Variants in RYR1 observed in about 807,000 individuals in gnomAD.
RYR1 encodes the protein central core disease of muscle.
In RYR1, 342 loss-of-function variants were observed where a neutral mutation model predicts 583.5. The observed-to-expected ratio is 0.59, with a 90% CI of 0.54 to 0.64. RYR1 has a LOEUF of 0.64. Among genes scored for constraint, RYR1 ranks in the 30% least tolerant of loss-of-function variants. The pLI is 0.00. For synonymous variants in RYR1, 2,791 were observed against 2,822.5 expected (o/e 0.99, Z 0.35); for missense variants, 6,032 against 6,917.2 (o/e 0.87, Z 4.54).
chr19:38,434,980 G>A (rs1252219290), intron 1 of RYR1, among the ~76,000 whole-genome samples: 1 of 152,178 alleles, frequency 6.6e-6, no homozygotes, highest in Non-Finnish European at 1.5e-5. Flanking sequence ...AGCTGGGAAG[G>A]GGCCTAGCTT....
chr19:38,552,687 C>G (rs886857751), intron 89 of RYR1, among the ~76,000 whole-genome samples: 10 of 152,220 alleles, frequency 6.6e-5, no homozygotes, highest in African/African-American at 2.4e-4. Context: ...TCAGAGTACA[C>G]TGCCTTCAGA....
intron 105 of RYR1, 49 bp from the exon 106 acceptor site, chr19:38,587,276 C>T (rs899447339): frequency 1.4e-5 from 17 of 1,241,512 alleles, no homozygotes; most frequent in Admixed American, 3.4e-5. Context: ...ATATATGTCT[C>T]AAGGGTTTGA....
intron 100 of RYR1, 120 bp downstream of exon 100, chr19:38,580,248 G>T: frequency 6.3e-7 from 1 of 1,585,100 alleles, no homozygotes. Context: ...GCGCTGAGCC[G>T]GGGGTGTGTG....
intron 29 of RYR1, among the ~76,000 whole-genome samples, chr19:38,475,656 G>A (rs1968683997): frequency 6.6e-6 from 1 of 152,182 alleles, no homozygotes; most frequent in Non-Finnish European, 1.5e-5. Context: ...ACAAACGGCA[G>A]GGAGTACAGT....
chr19:38,473,617 C>T lies in RYR1; in HGVS notation c.4006C>T (p.Arg1336Cys). ...CGACCCTGACTACGAAAACCTGCGC[C>T]GCTCAGCTGGGGGCTGGAGCGAGGC... Reference protein sequence around the residue: ...EPDPDYENLRRSAGGWSEAEN... With the variant: ...EPDPDYENLRCSAGGWSEAEN... The change falls in exon 28 of 106, where the codon CGC (arginine) becomes TGC (cysteine). Residue 1336 changes from arginine to cysteine, a missense_variant. Transcript: ENST00000359596. 1.3e-6 allele frequency: 2 copies of T among 1,568,308 alleles called. No homozygotes were observed. The highest frequency in any genetic ancestry group is 1.2e-5 in the South Asian group (1 of 86,100).
At chr19:38,457,396 A>C in intron 16 of RYR1, 101 bp from the exon 17 acceptor site, 1 of 1,546,546 alleles carries the variant, frequency 6.5e-7, no homozygotes, top group African/African-American at 1.4e-5. Context: ...TCTTATCCCG[A>C]TGCGCTGTCC....
At chr19:38,542,026 G>A (rs1460629244) in intron 84 of RYR1, among the ~76,000 whole-genome samples, 1 of 146,362 alleles carries the variant, frequency 6.8e-6, no homozygotes, top group Non-Finnish European at 1.5e-5. Flanking sequence ...CTATGATCAT[G>A]CCACAGTACT....
intron 11 of RYR1, among the ~76,000 whole-genome samples, chr19:38,451,244 A>G (rs1159668589): frequency 1.3e-5 from 2 of 152,248 alleles, no homozygotes; most frequent in South Asian, 2.1e-4. Flanking sequence ...ACACGTGAGC[A>G]TCATCAGCAG....
chr19:38,557,520 T>C (rs143825366), intron 89 of RYR1, among the ~76,000 whole-genome samples: 1 of 152,126 alleles, frequency 6.6e-6, no homozygotes, highest in Non-Finnish European at 1.5e-5. Context: ...AGATACCATA[T>C]GACTCAGCGA....
Position 38,585,023 on chromosome 19 carries a change from A to G in RYR1, c.14727A>G (p.Glu4909=). Residue 4909 remains glutamate (E), a synonymous_variant, in exon 102 of 106, where the codon GAA becomes GAG. Coordinates refer to ENST00000359596, the MANE Select transcript of RYR1 (RefSeq NM_000540.3). ...AGATCGAGGACCCCGCGGGTGACGA[A>G]TACGAGCTCTACAGGGTGGTCTTCG... ...GDEIEDPAGD[E]YELYRVVFDI... 6.2e-7 allele frequency: 1 copy of G among 1,613,980 alleles called. No homozygotes were observed. The highest frequency in any genetic ancestry group is 2.2e-5 in the East Asian group (1 of 44,870).
intron 29 of RYR1, among the ~76,000 whole-genome samples, chr19:38,477,245 C>A (rs534478382): frequency 3.4e-4 from 51 of 151,964 alleles, no homozygotes; most frequent in Non-Finnish European, 5.6e-4. Context: ...CAGGTTCAAG[C>A]GATTCTCCTG....
rs193922828 is a variant in RYR1, at chr19:38,504,878, G to A, written c.8198G>A (p.Gly2733Asp). The part of the protein sequence containing the change: ...AEKKATVDAE[G>D]NFDPRPVETL... ...AAAAAGGCCACAGTGGATGCTGAAG[G>A]CAACTTTGATCCCCGGCCTGTGGAG... Residue 2733 changes from glycine to aspartate, a missense_variant, in exon 51 of 106, where the codon GGC becomes GAC. Physicochemically the swap from Gly to Asp is moderately conservative, Grantham distance 94. Transcript: ENST00000359596. 1.2e-6 allele frequency: 2 copies of A among 1,614,110 alleles called. No homozygotes were observed. Among genetic ancestry groups the A allele is most frequent in the Non-Finnish European group, 1.7e-6 (2 of 1,180,008 alleles).
chr19:38,584,597 G>A lies in RYR1; in HGVS notation c.14647-346G>A, dbSNP rs116321707. ...CCTGTGCCCCCCTTATCCTGGCCCT[G>A]ATTCCCCTGCCAGTGCCCCCCATCC... On this transcript the variant is annotated intron_variant, in intron 101 of 105. Transcript: ENST00000359596. 2.7e-3 allele frequency among the ~76,000 whole-genome samples: 105 copies of A among 39,382 alleles called. 3 individuals are homozygous for A. The highest frequency in any genetic ancestry group is 0.012 in the African/African-American group (97 of 8,392). 25.8% of individuals were successfully genotyped at this position (39,382 alleles called of 152,430 possible).
chr19:38,570,352 G>C (rs1001767321), intron 93 of RYR1, among the ~76,000 whole-genome samples: 1 of 151,910 alleles, frequency 6.6e-6, no homozygotes, highest in Non-Finnish European at 1.5e-5. Context: ...CTCGGGAGGC[G>C]GCAGCAGAGG....
At position 38,502,690 on chromosome 19, in the gene RYR1, C is replaced by G; in HGVS notation, c.7798C>G (p.Arg2600Gly). Residue 2600 changes from arginine to glycine, a missense_variant, in exon 48 of 106, where the codon CGT becomes GGT. Transcript: ENST00000359596. The stretch of plus-strand genomic sequence containing the variant: ...GGGTCGTTCGCTCACCAAGGCGCAG[C>G]GTGACGTCATCGAGGACTGCCTCAT... ...SRGRSLTKAQ[R>G]DVIEDCLMSL... The G allele has an allele frequency of 1.2e-6, 2 of 1,604,134 alleles. No homozygotes were observed. Among genetic ancestry groups the G allele is most frequent in the Non-Finnish European group, 1.7e-6 (2 of 1,177,208 alleles).
intron 38 of RYR1, among the ~76,000 whole-genome samples, chr19:38,493,515 CGTTTT>C (rs1969653798): frequency 7.0e-6 from 1 of 143,060 alleles, no homozygotes; most frequent in Non-Finnish European, 1.5e-5. Context: ...TTTTCTTTTT[CGTTTT>C]TTTTTTTTTT....
intron 76 of RYR1, among the ~76,000 whole-genome samples, chr19:38,530,863 C>A (rs1250121947): frequency 6.6e-6 from 1 of 151,826 alleles, no homozygotes; most frequent in Non-Finnish European, 1.5e-5. Context: ...AGTGCAATGG[C>A]GCAATCTCGG....
intron 2 of RYR1, 64 bp downstream of exon 2, chr19:38,440,928 C>T (rs1256865844): frequency 1.2e-5 from 18 of 1,557,210 alleles, no homozygotes; most frequent in Non-Finnish European, 1.6e-5. Context: ...AATCTTGGGT[C>T]CAAAGAAGAG....
intron 58 of RYR1, 30 bp downstream of exon 58, chr19:38,507,857 G>A (rs1568515734): frequency 2.2e-6 from 3 of 1,377,152 alleles, no homozygotes; most frequent in Admixed American, 1.7e-5. Flanking sequence ...GCTTATGCCC[G>A]CCCCACCTGC....
Sources: allele counts gnomAD v4.1 joint callset (sites outside exome capture counted in the v4.1 genomes callset), GRCh38; gene constraint gnomAD v4.1.1; transcripts MANE v1.5; gene names NCBI Gene and HGNC (gene_info 2026-07-23, HGNC 2026-07-21).